AFG1L: variants seen among roughly 807,000 people sequenced by gnomAD.
The protein encoded by AFG1L is AFG1-like ATPase.
A neutral mutation model predicts 62.2 loss-of-function variants in AFG1L; 53 were observed. The observed-to-expected ratio is 0.85, with a 90% CI of 0.68 to 1.07. The LOEUF is 1.07. Ranked by LOEUF, AFG1L falls within the 50% of genes least tolerant of loss-of-function variation. The pLI is 0.00. For synonymous variants in AFG1L, 228 were observed against 210.3 expected, an observed-to-expected ratio of 1.08 and a Z score of -0.73; for missense variants, 555 against 590.5, an observed-to-expected ratio of 0.94 and a Z score of 0.62.
chr6:108,374,795 G>A (rs1005864544), intron 6 of AFG1L, among the ~76,000 whole-genome samples: 4 of 152,044 alleles, frequency 2.6e-5, no homozygotes, highest in Admixed American at 2.0e-4. Flanking sequence ...TTTTGTTTAG[G>A]GTTGCTTTGG....
intron 6 of AFG1L, among the ~76,000 whole-genome samples, chr6:108,385,654 T>C (rs912290391): frequency 6.6e-6 from 1 of 152,142 alleles, no homozygotes; most frequent in African/African-American, 2.4e-5. Flanking sequence ...CTTTAATTTC[T>C]CTAGCGCCGC....
intron 2 of AFG1L, among the ~76,000 whole-genome samples, chr6:108,326,018 C>A (rs1778028797): frequency 6.6e-6 from 1 of 152,068 alleles, no homozygotes; most frequent in African/African-American, 2.4e-5. Context: ...CTCAAATGAT[C>A]CCCCTGCTTC....
At chr6:108,467,394 C>T (rs764334669) in intron 8 of AFG1L, among the ~76,000 whole-genome samples, 6 of 151,864 alleles carry the variant, frequency 4.0e-5, no homozygotes, top group East Asian at 3.9e-4. Flanking sequence ...TACAGGCCCC[C>T]GCCACCACAC....
At chr6:108,433,960 T>TAC (rs1255945098) in intron 7 of AFG1L, among the ~76,000 whole-genome samples, 2 of 152,212 alleles carry the variant, frequency 1.3e-5, no homozygotes, top group African/African-American at 4.8e-5. Flanking sequence ...TTTAAAGGGT[T>TAC]ACAGCCTGCA....
At chr6:108,515,877 A>G (rs1774862754) in intron 11 of AFG1L, among the ~76,000 whole-genome samples, 1 of 152,246 alleles carries the variant, frequency 6.6e-6, no homozygotes, top group African/African-American at 2.4e-5. Flanking sequence ...AAACACCTCT[A>G]TGCAAATAAA....
intron 6 of AFG1L, chr6:108,392,306 A>T (rs1429801618): frequency 6.6e-6 from 1 of 152,224 alleles, no homozygotes; most frequent in Non-Finnish European, 1.5e-5. Context: ...AAATGTACAC[A>T]GTCTTTGTTT....
chr6:108,446,300 C>T (rs911727954), intron 7 of AFG1L, among the ~76,000 whole-genome samples: 5 of 151,846 alleles, frequency 3.3e-5, no homozygotes, highest in Admixed American at 6.6e-5. Flanking sequence ...CAGGGTGACT[C>T]GGGTTGAAAG....
intron 8 of AFG1L, among the ~76,000 whole-genome samples, chr6:108,448,693 C>T (rs949286308): frequency 7.2e-5 from 11 of 152,084 alleles, no homozygotes; most frequent in Non-Finnish European, 1.6e-4. Context: ...TGTGTTACCC[C>T]TTCCTTTTCC....
At chr6:108,474,846 C>T (rs570678839) in intron 8 of AFG1L, among the ~76,000 whole-genome samples, 12 of 152,212 alleles carry the variant, frequency 7.9e-5, no homozygotes, top group South Asian at 4.2e-4. Context: ...GTTGTTTCTT[C>T]GCTCTGATGA....
At chr6:108,447,173 A>G in intron 7 of AFG1L, 41 bp from the exon 8 acceptor site, 1 of 1,024,142 alleles carries the variant, frequency 9.8e-7, no homozygotes, top group Non-Finnish European at 1.5e-6. Flanking sequence ...ATTCTGAGCC[A>G]CTACTTGTTT....
intron 6 of AFG1L, among the ~76,000 whole-genome samples, chr6:108,384,959 T>C (rs535851896): frequency 1.4e-4 from 21 of 152,216 alleles, no homozygotes; most frequent in South Asian, 4.1e-4. Context: ...TTCTAACATA[T>C]TTCCAATTAG....
At chr6:108,485,671 T>A (rs1269292472) in intron 10 of AFG1L, among the ~76,000 whole-genome samples, 10 of 91,260 alleles carry the variant, frequency 1.1e-4, no homozygotes, top group East Asian at 5.4e-4. Context: ...TTTTTTTTTT[T>A]TTTTTTTTTT....
intron 8 of AFG1L, among the ~76,000 whole-genome samples, chr6:108,469,749 A>G (rs752460745): frequency 1.8e-4 from 28 of 152,318 alleles, no homozygotes; most frequent in Non-Finnish European, 2.6e-4. Flanking sequence ...AGCTGGGCAT[A>G]GGAGGATTTT....
At chr6:108,318,439 T>C in intron 1 of AFG1L, 1 of 192,126 alleles carries the variant, frequency 5.2e-6, no homozygotes, top group Non-Finnish European at 1.1e-5. Flanking sequence ...ATGCAGATAA[T>C]AAAATCTTGA....
chr6:108,382,556 G>A (rs184262985), intron 6 of AFG1L, among the ~76,000 whole-genome samples: 1 of 152,190 alleles, frequency 6.6e-6, no homozygotes, highest in African/African-American at 2.4e-5. Flanking sequence ...CTTAAAGGCC[G>A]ACAAAGCATT....
intron 6 of AFG1L, among the ~76,000 whole-genome samples, chr6:108,369,580 C>A (rs1011645363): frequency 6.6e-6 from 1 of 151,840 alleles, no homozygotes; most frequent in African/African-American, 2.4e-5. Flanking sequence ...TCTTTTCCAG[C>A]CATCAAAATG....
At chr6:108,402,651 G>C (rs752127659) in intron 7 of AFG1L, among the ~76,000 whole-genome samples, 4 of 152,016 alleles carry the variant, frequency 2.6e-5, no homozygotes, top group Middle Eastern at 3.4e-3. Flanking sequence ...ACATTGAATA[G>C]TTTGCATTTT....
Position 108,478,884 on chromosome 6 carries a change from T to C in AFG1L, c.1062+1592T>C, listed in dbSNP as rs1773229004. Among the ~76,000 whole-genome samples, 3 of 152,170 alleles carry C rather than the reference T, an allele frequency of 2.0e-5. 1 individual carries two copies. Among genetic ancestry groups the C allele is most frequent in the African/African-American group, 7.2e-5 (3 of 41,448 alleles). On this transcript the variant is annotated intron_variant, in intron 10 of 12. Transcript: ENST00000368977. ...TTATCAGGAACCAAAATCTTCAGTT[T>C]ATTTACTGTCCGGGGGTGATGGGGA...
chr6:108,387,298 C>T (rs1192036417), intron 6 of AFG1L, among the ~76,000 whole-genome samples: 4 of 152,198 alleles, frequency 2.6e-5, no homozygotes, highest in African/African-American at 9.7e-5. Flanking sequence ...GTGGCGAAGG[C>T]TGTGGCCACA....
Sources: allele counts gnomAD v4.1 joint callset (sites outside exome capture counted in the v4.1 genomes callset), GRCh38; gene constraint gnomAD v4.1.1; transcripts MANE v1.5; gene names NCBI Gene and HGNC (gene_info 2026-07-23, HGNC 2026-07-21).